Variants in RRP9 observed in about 807,000 individuals in gnomAD.
RRP9 encodes U3 small nucleolar RNA-interacting protein 2.
A neutral mutation model predicts 65.5 loss-of-function variants in RRP9; 35 were observed. The observed-to-expected ratio is 0.53, with a 90% CI of 0.41 to 0.71. The LOEUF (loss-of-function observed/expected upper bound fraction) is 0.71. RRP9 is among the 30% of genes least tolerant of loss of function. The pLI, the probability that RRP9 is intolerant of heterozygous loss-of-function variation, is 0.00. For synonymous variants in RRP9, 254 were observed against 245.0 expected (o/e 1.04, Z -0.34); for missense variants, 533 against 633.6 (o/e 0.84, Z 1.70).
intron 1 of RRP9, 34 bp from the exon 2 acceptor site, chr3:51,941,525 G>A (rs1363662501): frequency 6.3e-7 from 1 of 1,580,478 alleles, no homozygotes; most frequent in South Asian, 1.1e-5. Context: ...TTGGTCAGGG[G>A]TCCAGACCAC....
chr3:51,933,457 G>A lies in RRP9; in HGVS notation c.*49C>T, dbSNP rs919475949. 7 of 1,406,670 alleles carry A rather than the reference G, an allele frequency of 5.0e-6. No individual in the cohort carries two copies. The highest frequency in any genetic ancestry group is 1.9e-4 in the Middle Eastern group (1 of 5,308). 87.1% of individuals were successfully genotyped at this position (1,406,670 alleles called of 1,614,324 possible). A position where few individuals can be genotyped will look rare whatever the true frequency, so the allele number is the denominator to read the frequency against. On this transcript the variant is annotated 3_prime_UTR_variant, in exon 15 of 15. Coordinates refer to ENST00000232888, the MANE Select transcript of RRP9 (RefSeq NM_004704.5). ...CAAAAGAGGAGGCTTTTAATACAAA[G>A]AGGGTGGGGCATAGCCTGGGAAGGA...
Position 51,937,948 on chromosome 3 carries a change from AC to A in RRP9, c.280+146del, listed in dbSNP as rs1699478202. On this transcript the variant is annotated intron_variant, in intron 3 of 14. Coordinates refer to ENST00000232888, the MANE Select transcript of RRP9 (RefSeq NM_004704.5). This position sits in a 1 kb window ranked among gnomAD's most constrained non-coding sequence, Gnocchi z 5.0. ...AGGAGGCCCATGAGAGCTTCTGGCC[AC>A]CCCCACAGGGCAGCCAGCACTGACA... The A allele has an allele frequency of 1.7e-5, 15 of 903,560 alleles. 1 individual carries two copies. In the South Asian group the frequency reaches 2.4e-4, roughly 15 times the overall value. 56.0% of individuals were successfully genotyped at this position (903,560 alleles called of 1,614,324 possible).
Position 51,937,599 on chromosome 3 carries a change from G to A in RRP9, c.349-13C>T, listed in dbSNP as rs1292961429. 6.2e-7 allele frequency: 1 copy of A among 1,614,212 alleles called. No individual in the cohort carries two copies. The highest frequency in any genetic ancestry group is 1.1e-5 in the South Asian group (1 of 91,090). Reference sequence around the variant, plus strand: ...CCCTCTGCTCAAGCTGCATGGAGAAGAGATGGATGAGACCCTGGGAGCAGA... The same window carrying A: ...CCCTCTGCTCAAGCTGCATGGAGAAAAGATGGATGAGACCCTGGGAGCAGA... On this transcript the variant is annotated splice_polypyrimidine_tract_variant and intron_variant, in intron 4 of 14. Transcript: ENST00000232888. The surrounding 1 kb of genome is among the most constrained non-coding windows in gnomAD (Gnocchi z 5.0).
rs771469242 is a variant in RRP9, at chr3:51,934,643, G to C, written c.1168C>G (p.Leu390Val). ...SSVAALLNTD[L>V]VATGSHSSCV... ...TCAGGGCACCCACCTGTGGCCACAA[G>C]GTCTGTGTTGAGGAGGGCTGCCACC... is the stretch of plus-strand genomic sequence containing the variant. The change falls in exon 12 of 15, where the codon CTT (leucine) becomes GTT (valine). Residue 390 changes from leucine (L) to valine (V), a missense_variant. Physicochemically the swap from Leu to Val is conservative, Grantham distance 32. Transcript: ENST00000232888. This position sits in a 1 kb window ranked among gnomAD's most constrained non-coding sequence, Gnocchi z 4.1. The C allele has an allele frequency of 6.2e-7, 1 of 1,614,002 alleles. No individual in the cohort carries two copies. The highest frequency in any genetic ancestry group is 8.5e-7 in the Non-Finnish European group (1 of 1,180,040).
At chr3:51,941,557 C>G in intron 1 of RRP9, 66 bp from the exon 2 acceptor site, 1 of 1,446,870 alleles carries the variant, frequency 6.9e-7, no homozygotes, top group South Asian at 1.1e-5. Flanking sequence ...CCAAGGGCCC[C>G]CCCCCCTCGG....
chr3:51,939,216 T>C (rs760083599), intron 2 of RRP9, among the ~76,000 whole-genome samples: 2 of 152,180 alleles, frequency 1.3e-5, no homozygotes, highest in Non-Finnish European at 2.9e-5. Context: ...TTGAAAACTC[T>C]CAGGAAAGCC....
intron 13 of RRP9, 143 bp from the exon 14 acceptor site, chr3:51,933,924 T>G (rs1285235057): frequency 1.3e-6 from 1 of 759,230 alleles, no homozygotes; most frequent in East Asian, 2.6e-5. Flanking sequence ...AGGCCAGCCC[T>G]TCACTTGTCA....
chr3:51,939,411 A>G (rs1193756911), intron 2 of RRP9, among the ~76,000 whole-genome samples: 1 of 152,274 alleles, frequency 6.6e-6, no homozygotes, highest in Non-Finnish European at 1.5e-5. Flanking sequence ...CAGAACGCTA[A>G]AGAAATGCAA....
At position 51,937,321 on chromosome 3, in the gene RRP9, G is replaced by A; in HGVS notation, c.391-3C>T. On this transcript the variant is annotated splice_polypyrimidine_tract_variant and splice_region_variant and intron_variant, in intron 5 of 14. Coordinates refer to ENST00000232888, the MANE Select transcript of RRP9 (RefSeq NM_004704.5). This position sits in a 1 kb window ranked among gnomAD's most constrained non-coding sequence, Gnocchi z 5.0. ...TCAGCTGAGGCTGGGGCCTGGATCT[G>A]GGCAGACAGGGGCCAGGTCACTGTG... is the stretch of plus-strand genomic sequence containing the variant. 4 of 1,614,062 alleles carry A rather than the reference G, an allele frequency of 2.5e-6. No individual in the cohort carries two copies. Among genetic ancestry groups the A allele is most frequent in the Non-Finnish European group, 3.4e-6 (4 of 1,180,020 alleles).
At chr3:51,940,682 C>CTT (rs201094938) in intron 2 of RRP9, among the ~76,000 whole-genome samples, 1 of 148,000 alleles carries the variant, frequency 6.8e-6, no homozygotes. Context: ...ACCCAGCTAA[C>CTT]TTTTTTTTTT....
intron 2 of RRP9, among the ~76,000 whole-genome samples, chr3:51,939,338 C>T (rs564621908): frequency 6.6e-5 from 10 of 152,360 alleles, no homozygotes; most frequent in Admixed American, 2.0e-4. Flanking sequence ...GTGTTAACTT[C>T]GGACTTCTAC....
At chr3:51,939,944 A>G (rs1699501552) in intron 2 of RRP9, among the ~76,000 whole-genome samples, 1 of 152,242 alleles carries the variant, frequency 6.6e-6, no homozygotes, top group African/African-American at 2.4e-5. Context: ...CTCACCCACA[A>G]TAACCTTCGG....
At position 51,938,093 on chromosome 3, in the gene RRP9, A is replaced by C. The variant is rs1352085321; in HGVS notation, c.280+2T>G. 6.3e-7 allele frequency: 1 copy of C among 1,595,818 alleles called. No individual in the cohort carries two copies. Among genetic ancestry groups the C allele is most frequent in the Non-Finnish European group, 8.5e-7 (1 of 1,175,406 alleles). ...CCATGGCTGGCCTGCCCACTGGCTC[A>C]CCTTGCTGACGGAGCTGCTCTAGGT... On this transcript the variant is annotated splice_donor_variant, in intron 3 of 14. Transcript: ENST00000232888. LOFTEE classifies it high-confidence loss of function.
At chr3:51,935,085 A>G (rs112354680) in intron 11 of RRP9, 112 bp downstream of exon 11, 1 of 1,127,268 alleles carries the variant, frequency 8.9e-7, no homozygotes, top group Non-Finnish European at 1.3e-6. Flanking sequence ...CCATGAAAAG[A>G]GGTTACAACA....
rs1208919000 is a variant in RRP9 at position 51,934,942 on chromosome 3, G to C, written c.1035-166C>G. ...AACATCTCAAGTACCCCACAAATACGTACACCTACTAAGCACCCACAACAA... is the reference window on the plus strand; with the variant it reads ...AACATCTCAAGTACCCCACAAATACCTACACCTACTAAGCACCCACAACAA... On this transcript the variant is annotated intron_variant, in intron 11 of 14. Coordinates refer to ENST00000232888, the MANE Select transcript of RRP9 (RefSeq NM_004704.5). The surrounding 1 kb of genome is among the most constrained non-coding windows in gnomAD (Gnocchi z 4.1). 6.6e-6 allele frequency among the ~76,000 whole-genome samples: 1 copy of C among 151,714 alleles called. No individual in the cohort carries two copies. Among genetic ancestry groups the C allele is most frequent in the Non-Finnish European group, 1.5e-5 (1 of 67,972 alleles).
In RRP9 at chr3:51,933,823, C is replaced by T. The variant is rs778629528; in HGVS notation, c.1261-42G>A. Reference sequence around the variant, plus strand: ...CACGGAAAGACATTAGAACGCCCCCCGCCACCACCGTCCTCAGCATCACAG... The same window carrying T: ...CACGGAAAGACATTAGAACGCCCCCTGCCACCACCGTCCTCAGCATCACAG... On this transcript the variant is annotated intron_variant, in intron 13 of 14. Coordinates refer to ENST00000232888, the MANE Select transcript of RRP9 (RefSeq NM_004704.5). The T allele has an allele frequency of 2.2e-5, 35 of 1,568,610 alleles. No individual in the cohort carries two copies. The South Asian group carries it at 2.8e-4, about 12-fold the overall frequency.
chr3:51,941,033 C>G (rs190927709), intron 2 of RRP9, among the ~76,000 whole-genome samples: 114 of 152,322 alleles, frequency 7.5e-4, no homozygotes, highest in African/African-American at 2.5e-3. Context: ...CTTCCAACAG[C>G]AAAGGCAGTG....
At chr3:51,938,330 GAC>G in intron 2 of RRP9, 126 bp from the exon 3 acceptor site, 2 of 692,132 alleles carry the variant, frequency 2.9e-6, no homozygotes, top group Non-Finnish European at 4.8e-6. Context: ...CATGGTCGGT[GAC>G]TACACTGCAG....
Position 51,933,617 on chromosome 3 carries a change from C to A in RRP9, c.1335-18G>T, listed in dbSNP as rs375745536. The A allele has an allele frequency of 3.1e-6, 5 of 1,613,248 alleles. No homozygotes were observed. The highest frequency in any genetic ancestry group is 4.2e-6 in the Non-Finnish European group (5 of 1,179,302). On this transcript the variant is annotated intron_variant, in intron 14 of 14. Coordinates refer to ENST00000232888, the MANE Select transcript of RRP9 (RefSeq NM_004704.5). The stretch of plus-strand genomic sequence containing the variant: ...GGCCAAGCCTGCAGGGAGTGCAAGA[C>A]GCAGCTGAGACTCGGCCCAGTCTCC...
Sources: allele counts gnomAD v4.1 joint callset (sites outside exome capture counted in the v4.1 genomes callset), GRCh38; gene constraint gnomAD v4.1.1; non-coding constraint Gnocchi (gnomAD v3.1); transcripts MANE v1.5; gene names NCBI Gene and HGNC (gene_info 2026-07-23, HGNC 2026-07-21).